Variants in CRPPA observed in about 807,000 individuals in gnomAD.
CRPPA encodes the protein CDP-L-ribitol pyrophosphorylase A.
In CRPPA, 43 loss-of-function variants were observed where a neutral mutation model predicts 52.0. The ratio of observed to expected loss-of-function variants is 0.83; its 90% confidence interval spans 0.65 to 1.07. The LOEUF is 1.07. Among genes scored for constraint, CRPPA ranks in the 50% least tolerant of loss-of-function variants. The pLI is 0.00. For missense variants in CRPPA, 629 were observed against 551.7 expected (o/e 1.14, Z -1.40); for synonymous variants, 250 against 203.5 (o/e 1.23, Z -1.94).
chr7:16,280,488 C>G (rs1201374441), intron 5 of CRPPA, among the ~76,000 whole-genome samples: 3 of 152,136 alleles, frequency 2.0e-5, no homozygotes, highest in South Asian at 4.1e-4. Flanking sequence ...ACAAAGTAAT[C>G]TGCAAATGCA....
intron 9 of CRPPA, among the ~76,000 whole-genome samples, chr7:16,115,318 T>C (rs1263780559): frequency 6.6e-6 from 1 of 152,180 alleles, no homozygotes; most frequent in East Asian, 1.9e-4. Context: ...TTGAGTAAGA[T>C]ATATGTTAGA....
chr7:16,358,905 C>G (rs1056105046), intron 3 of CRPPA, among the ~76,000 whole-genome samples: 1 of 151,986 alleles, frequency 6.6e-6, no homozygotes, highest in African/African-American at 2.4e-5. Flanking sequence ...TTAATGCCCA[C>G]AAAGAATGTC....
At chr7:16,152,577 G>C (rs1301785985) in intron 9 of CRPPA, among the ~76,000 whole-genome samples, 4 of 151,792 alleles carry the variant, frequency 2.6e-5, no homozygotes, top group African/African-American at 9.7e-5. Context: ...TTAGTATTAG[G>C]ACTGAAATGT....
At chr7:16,188,009 CA>C (rs1484765170) in intron 9 of CRPPA, among the ~76,000 whole-genome samples, 1 of 150,596 alleles carries the variant, frequency 6.6e-6, no homozygotes, top group African/African-American at 2.4e-5. Context: ...GGACCTGAAC[CA>C]ATGCCAGGAC....
At chr7:16,383,588 G>A (rs1787173385) in intron 2 of CRPPA, among the ~76,000 whole-genome samples, 1 of 152,202 alleles carries the variant, frequency 6.6e-6, no homozygotes, top group Admixed American at 6.5e-5. Flanking sequence ...TCTGTGCCCT[G>A]CCCCCAGAGG....
At chr7:16,396,051 G>T (rs1011484645) in intron 2 of CRPPA, among the ~76,000 whole-genome samples, 1 of 152,144 alleles carries the variant, frequency 6.6e-6, no homozygotes, top group African/African-American at 2.4e-5. Context: ...TTACGAACCA[G>T]AACTCACTGC....
intron 9 of CRPPA, among the ~76,000 whole-genome samples, chr7:16,105,957 C>A (rs141878369): frequency 7.9e-5 from 12 of 152,144 alleles, no homozygotes; most frequent in Non-Finnish European, 1.5e-4. Flanking sequence ...ACCAGTTTGA[C>A]CCAGAAAGTC....
intron 9 of CRPPA, among the ~76,000 whole-genome samples, chr7:16,198,546 G>A (rs953092693): frequency 3.2e-5 from 4 of 123,500 alleles, no homozygotes; most frequent in African/African-American, 6.6e-5. Flanking sequence ...AGGCTGGCGG[G>A]ATCCTCCATA....
chr7:16,131,455 G>A (rs1212017801), intron 9 of CRPPA, among the ~76,000 whole-genome samples: 1 of 152,172 alleles, frequency 6.6e-6, no homozygotes, highest in Non-Finnish European at 1.5e-5. Flanking sequence ...GTTATAAAGT[G>A]GCTGCCCCAG....
intron 9 of CRPPA, among the ~76,000 whole-genome samples, chr7:16,147,500 T>C (rs534301276): frequency 9.2e-5 from 14 of 152,200 alleles, no homozygotes; most frequent in Non-Finnish European, 1.3e-4. Context: ...ACAGTCTTCT[T>C]ATAACTGATG....
rs148322529 is a variant in CRPPA, at chr7:16,088,608, C to T, written c.*3087G>A. 8.1e-3 allele frequency: 1,233 copies of T among 152,170 alleles called. 10 individuals are homozygous for T. The highest frequency in any genetic ancestry group is 0.012 in the Non-Finnish European group (841 of 68,116). 9.4% of individuals were successfully genotyped at this position (152,170 alleles called of 1,614,324 possible). On this transcript the variant is annotated 3_prime_UTR_variant, in exon 10 of 10. Transcript: ENST00000407010. ...ATTTTTTTTGTATTTTTACTAGAGA[C>T]GGGGTTTCACCGCATTAGCCAGGAT...
chr7:16,406,110 A>G lies in CRPPA; in HGVS notation c.485T>C (p.Val162Ala). 6.2e-7 allele frequency: 1 copy of G among 1,613,874 alleles called. No individual in the cohort carries two copies. Among genetic ancestry groups the G allele is most frequent in the Non-Finnish European group, 8.5e-7 (1 of 1,179,858 alleles). The change falls in exon 2 of 10, where the codon GTT becomes GCT. Residue 162 changes from valine to alanine, a missense_variant. Transcript: ENST00000407010. ...AACTTTAAGAAGGACACCTTCCTCAACAAATGGTCTCACAGCATCATGGAT... is the reference window on the plus strand; with the variant it reads ...AACTTTAAGAAGGACACCTTCCTCAGCAAATGGTCTCACAGCATCATGGAT... ...VIIHDAVRPF[V>A]EEGVLLKVVT...
intron 5 of CRPPA, among the ~76,000 whole-genome samples, chr7:16,300,281 G>C (rs1342820590): frequency 2.0e-5 from 3 of 152,088 alleles, no homozygotes; most frequent in African/African-American, 7.2e-5. Context: ...GGTTAAATAG[G>C]GTTTCCCAAA....
intron 3 of CRPPA, among the ~76,000 whole-genome samples, chr7:16,355,247 TA>T (rs1786264466): frequency 6.6e-6 from 1 of 152,204 alleles, no homozygotes; most frequent in Non-Finnish European, 1.5e-5. Context: ...TACCAATCAC[TA>T]TTGCTTCTAC....
chr7:16,305,336 C>T (rs184274187), intron 4 of CRPPA, among the ~76,000 whole-genome samples: 152 of 152,262 alleles, frequency 1.0e-3, no homozygotes, highest in Middle Eastern at 6.8e-3. Flanking sequence ...ACGCTTATAA[C>T]GTCTATCTGT....
chr7:16,167,859 T>C (rs900765667), intron 9 of CRPPA, among the ~76,000 whole-genome samples: 10 of 152,232 alleles, frequency 6.6e-5, no homozygotes, highest in Non-Finnish European at 1.5e-4. Flanking sequence ...CATCCCACCC[T>C]ATTTATCTAA....
chr7:16,237,677 G>C (rs1384248176), intron 8 of CRPPA, among the ~76,000 whole-genome samples: 1 of 152,090 alleles, frequency 6.6e-6, no homozygotes, highest in Non-Finnish European at 1.5e-5. Context: ...TCTACTTTCT[G>C]TCCTGCATCC....
At chr7:16,140,317 C>G (rs1782844723) in intron 9 of CRPPA, among the ~76,000 whole-genome samples, 1 of 151,176 alleles carries the variant, frequency 6.6e-6, no homozygotes, top group South Asian at 2.1e-4. Context: ...CAGGCAATGC[C>G]AGGCTAATTT....
intron 9 of CRPPA, among the ~76,000 whole-genome samples, chr7:16,154,711 A>G (rs1454831162): frequency 3.9e-5 from 6 of 152,022 alleles, no homozygotes; most frequent in African/African-American, 1.4e-4. Flanking sequence ...TCTTTCCAAT[A>G]GTTATCCTTG....
Sources: gnomAD v4.1 joint callset for allele counts (sites outside exome capture counted in the v4.1 genomes callset) on GRCh38, gnomAD v4.1.1 for gene constraint, MANE v1.5 for transcripts, NCBI Gene and HGNC (gene_info 2026-07-23, HGNC 2026-07-21) for gene names.